MYLK4: variants seen among roughly 807,000 people sequenced by gnomAD.
MYLK4 encodes myosin light chain kinase family member 4, also known as caMLCK like.
In MYLK4, 46 loss-of-function variants were observed where a neutral mutation model predicts 48.1. That is an observed-to-expected ratio of 0.96 (90% CI 0.75 to 1.22). The LOEUF (loss-of-function observed/expected upper bound fraction) is 1.22. Ranked by LOEUF, MYLK4 falls within the 50% of genes most tolerant of loss-of-function variation. The pLI is 0.00. For synonymous variants in MYLK4, 170 were observed against 180.8 expected (o/e 0.94, Z 0.48); for missense variants, 451 against 486.1 (o/e 0.93, Z 0.68).
At chr6:2,736,456 T>C (rs574576335) in intron 2 of MYLK4, among the ~76,000 whole-genome samples, 1 of 152,196 alleles carries the variant, frequency 6.6e-6, no homozygotes, top group Non-Finnish European at 1.5e-5. Flanking sequence ...CCTTTAACAC[T>C]CTAACCTGCA....
At chr6:2,703,497 C>A (rs11752302) in intron 2 of MYLK4, among the ~76,000 whole-genome samples, 28,664 of 151,804 alleles carry the variant, frequency 0.19, 2,911 homozygotes, top group African/African-American at 0.25. Context: ...AAAGTTCCTT[C>A]CCCAGAAATT....
intron 2 of MYLK4, among the ~76,000 whole-genome samples, chr6:2,718,571 C>A (rs1293941776): frequency 1.3e-5 from 2 of 152,148 alleles, no homozygotes; most frequent in Admixed American, 1.3e-4. Flanking sequence ...ACTTTGGGAC[C>A]ATGAAGAAAA....
At position 2,685,420 on chromosome 6, in the gene MYLK4, A is replaced by G. The variant is rs1419571289; in HGVS notation, c.436-15T>C. On this transcript the variant is annotated splice_polypyrimidine_tract_variant and intron_variant, in intron 5 of 12. Transcript: ENST00000274643. The surrounding 1 kb of genome is among the most constrained non-coding windows in gnomAD (Gnocchi z 4.5). ...TTCACCTCCTCCTGAGAAGCAGGAA[A>G]CAGTGCATTAGTGTGGTCAAGATGG... 2.6e-6 allele frequency: 4 copies of G among 1,524,900 alleles called. No homozygotes were observed. The highest frequency in any genetic ancestry group is 3.6e-6 in the Non-Finnish European group (4 of 1,112,782). The allele number at this position is 1,524,900 out of a possible 1,614,324, so 94.5% of individuals were successfully genotyped here.
At chr6:2,767,946 C>T in the MYLK4 span, among the ~76,000 whole-genome samples, 1 of 152,196 alleles carries the variant, frequency 6.6e-6, no homozygotes, top group South Asian at 2.1e-4. Flanking sequence ...AAGAAAGTAC[C>T]ACCTTTCCAT....
At position 2,672,675 on chromosome 6, in the gene MYLK4, T is replaced by C. The variant is rs1373740965; in HGVS notation, c.1120-1327A>G. On this transcript the variant is annotated intron_variant, in intron 11 of 12. Coordinates refer to ENST00000274643, the MANE Select transcript of MYLK4 (RefSeq NM_001012418.5). This position sits in a 1 kb window ranked among gnomAD's most constrained non-coding sequence, Gnocchi z 4.3. Reference sequence around the variant, plus strand: ...GGAAAACTTTCGTCTCAATATTTCCTTGAAAAGTAAGATATACTAAGTTTG... The same window carrying C: ...GGAAAACTTTCGTCTCAATATTTCCCTGAAAAGTAAGATATACTAAGTTTG... Among the ~76,000 whole-genome samples, 1 of 152,222 alleles carries C rather than the reference T, an allele frequency of 6.6e-6. No individual in the cohort carries two copies. The highest frequency in any genetic ancestry group is 2.4e-5 in the African/African-American group (1 of 41,464).
chr6:2,744,648 C>T (rs940992048), intron 2 of MYLK4, among the ~76,000 whole-genome samples: 2 of 152,188 alleles, frequency 1.3e-5, no homozygotes, highest in African/African-American at 4.8e-5. Context: ...TCCCTCTGCA[C>T]ATCCTGTTAA....
chr6:2,767,871 A>AAGGC, the MYLK4 span, among the ~76,000 whole-genome samples: 1 of 152,172 alleles, frequency 6.6e-6, no homozygotes, highest in Non-Finnish European at 1.5e-5. Context: ...CTGATTCCAA[A>AAGGC]AGGCAGGCAG....
At chr6:2,709,941 CA>C (rs1762617024) in intron 2 of MYLK4, among the ~76,000 whole-genome samples, 1 of 152,124 alleles carries the variant, frequency 6.6e-6, no homozygotes. Context: ...TAAAATCTTC[CA>C]TACTTGAATA....
intron 2 of MYLK4, among the ~76,000 whole-genome samples, chr6:2,711,503 G>T (rs1486197065): frequency 6.6e-6 from 1 of 152,034 alleles, no homozygotes; most frequent in Non-Finnish European, 1.5e-5. Context: ...CTTGCCTATG[G>T]CTCAATAAAG....
At chr6:2,692,685 A>C in intron 3 of MYLK4, 99 bp downstream of exon 3, 3 of 906,628 alleles carry the variant, frequency 3.3e-6, no homozygotes, top group Non-Finnish European at 4.9e-6. Context: ...TTCTTCCTGC[A>C]CAGGGCTTTA....
chr6:2,688,898 T>C lies in MYLK4; in HGVS notation c.294A>G (p.Gly98=), dbSNP rs1216955173. 6.2e-7 allele frequency: 1 copy of C among 1,614,214 alleles called. No homozygotes were observed. Among genetic ancestry groups the C allele is most frequent in the Non-Finnish European group, 8.5e-7 (1 of 1,180,024 alleles). Reference sequence around the variant, plus strand: ...TCACAGTATAGAAGCTGTTGACCGCTCCTTGCTTGGCTGTCACAATACGAT... The same window carrying C: ...TCACAGTATAGAAGCTGTTGACCGCCCCTTGCTTGGCTGTCACAATACGAT... ...FDHRIVTAKQ[G]AVNSFYTVSK... is the part of the protein sequence containing the mutation. Residue 98 remains glycine (G), a synonymous_variant, in exon 4 of 13, where the codon GGA becomes GGG. Transcript: ENST00000274643.
intron 2 of MYLK4, among the ~76,000 whole-genome samples, chr6:2,725,031 A>G (rs1431303370): frequency 6.6e-6 from 1 of 152,152 alleles, no homozygotes; most frequent in African/African-American, 2.4e-5. Flanking sequence ...CACACCTGTA[A>G]TTCCAGCTGC....
chr6:2,768,252 G>A, the MYLK4 span, among the ~76,000 whole-genome samples: 1 of 152,166 alleles, frequency 6.6e-6, no homozygotes, highest in Non-Finnish European at 1.5e-5. Context: ...GCTGTCCTGA[G>A]CTTCCAGTTC....
upstream of MYLK4, among the ~76,000 whole-genome samples, chr6:2,755,101 G>A (rs1045925332): frequency 5.3e-5 from 8 of 152,056 alleles, no homozygotes; most frequent in East Asian, 3.9e-4. Context: ...TAAGTATTAC[G>A]AAATACAAAA....
the MYLK4 span, among the ~76,000 whole-genome samples, chr6:2,759,462 T>C: frequency 6.6e-6 from 1 of 152,224 alleles, no homozygotes; most frequent in East Asian, 1.9e-4. Flanking sequence ...ATGAAGTACA[T>C]ATTTATGTTC....
At chr6:2,684,737 G>GA (rs1761460255) in intron 6 of MYLK4, among the ~76,000 whole-genome samples, 1 of 152,178 alleles carries the variant, frequency 6.6e-6, no homozygotes, top group African/African-American at 2.4e-5. Flanking sequence ...AGTACTCGGG[G>GA]GGATAGGCAT....
At chr6:2,717,998 T>C (rs1561862405) in intron 2 of MYLK4, among the ~76,000 whole-genome samples, 1 of 151,996 alleles carries the variant, frequency 6.6e-6, no homozygotes, top group African/African-American at 2.4e-5. Context: ...CTGACCAACA[T>C]GGAGAAACCC....
chr6:2,736,718 G>C (rs1763686408), intron 2 of MYLK4, among the ~76,000 whole-genome samples: 1 of 152,134 alleles, frequency 6.6e-6, no homozygotes. Context: ...AATTCTCAGG[G>C]GAAAAGGACA....
At chr6:2,765,134 C>T in the MYLK4 span, among the ~76,000 whole-genome samples, 5 of 149,022 alleles carry the variant, frequency 3.4e-5, no homozygotes, top group Admixed American at 6.8e-5. Flanking sequence ...CGGAGGGCTG[C>T]GTCCGCCACC....
Sources: gnomAD v4.1 joint callset for allele counts (sites outside exome capture counted in the v4.1 genomes callset) on GRCh38, gnomAD v4.1.1 for gene constraint, Gnocchi (gnomAD v3.1) non-coding constraint, MANE v1.5 for transcripts, NCBI Gene and HGNC (gene_info 2026-07-23, HGNC 2026-07-21) for gene names.